Variants in KIF5C observed in about 807,000 individuals in gnomAD.
The protein encoded by KIF5C is kinesin family member 5C.
A neutral mutation model predicts 125.2 loss-of-function variants in KIF5C; 18 were observed. The observed-to-expected ratio is 0.14, with a 90% CI of 0.10 to 0.21. The LOEUF (loss-of-function observed/expected upper bound fraction) is 0.21, where lower values mean the gene tolerates loss of function less well. Ranked by LOEUF, KIF5C falls within the 10% of genes least tolerant of loss-of-function variation. The probability of loss-of-function intolerance (pLI) is 1.00; values close to 1 mark genes in which losing one functional copy is unlikely to be tolerated. For synonymous variants in KIF5C, 405 were observed against 434.0 expected, an observed-to-expected ratio of 0.93 and a Z score of 0.83; for missense variants, 780 against 1,183.8, an observed-to-expected ratio of 0.66 and a Z score of 5.01.
At chr2:148,904,220 C>T (rs1385218911) in intron 1 of KIF5C, among the ~76,000 whole-genome samples, 1 of 152,176 alleles carries the variant, frequency 6.6e-6, no homozygotes, top group Non-Finnish European at 1.5e-5. Context: ...GAGCAGCAGG[C>T]TATTATTTTG....
intron 3 of KIF5C, among the ~76,000 whole-genome samples, chr2:148,935,336 C>G (rs1336650445): frequency 6.6e-6 from 1 of 152,150 alleles, no homozygotes; most frequent in Non-Finnish European, 1.5e-5. Context: ...GATTATCAAT[C>G]GTTCTTCTCT....
Position 148,970,413 on chromosome 2 carries a change from A to G in KIF5C, c.1118-2923A>G, listed in dbSNP as rs142274733. ...TGTGCTTTTTACATATACTATCTTC[A>G]TTTATCTTTAGAACAACCCTGTGAT... On this transcript the variant is annotated intron_variant, in intron 11 of 25. Coordinates refer to ENST00000435030, the MANE Select transcript of KIF5C (RefSeq NM_004522.3). Among the ~76,000 whole-genome samples, 602 of 152,226 alleles carry G rather than the reference A, an allele frequency of 4.0e-3. 3 individuals are homozygous for G. The highest frequency in any genetic ancestry group is 0.014 in the African/African-American group (569 of 41,516).
intron 1 of KIF5C, among the ~76,000 whole-genome samples, chr2:148,888,056 G>A (rs1467776695): frequency 6.6e-6 from 1 of 152,200 alleles, no homozygotes; most frequent in African/African-American, 2.4e-5. Flanking sequence ...GGTTTGAGAT[G>A]CGTTCGTAGT....
rs551519990 is a variant in KIF5C, at chr2:149,000,874, C to T, written c.2373+92C>T. On this transcript the variant is annotated intron_variant, in intron 21 of 25. Coordinates refer to ENST00000435030, the MANE Select transcript of KIF5C (RefSeq NM_004522.3). ...TATTTCAAAATTTTATCCATGCACA[C>T]CTTTCTGTGTAATGTTTTAGATAAG... The T allele has an allele frequency of 1.6e-5, 25 of 1,577,962 alleles. No individual in the cohort carries two copies. The African/African-American group carries it at 3.0e-4, about 19-fold the overall frequency.
At chr2:148,898,888 C>G (rs1247793872) in intron 1 of KIF5C, among the ~76,000 whole-genome samples, 2 of 152,186 alleles carry the variant, frequency 1.3e-5, no homozygotes, top group Non-Finnish European at 2.9e-5. Flanking sequence ...TTTTACAAAG[C>G]AAACACAAGT....
chr2:148,875,575 G>GCCCCCCCCCCCTCCCCTGCCCCC lies in KIF5C; in HGVS notation c.-37_-36insCCCCCTCCCCTGCCCCCCCCCCC. 1 of 699,606 alleles carries GCCCCCCCCCCCTCCCCTGCCCCC rather than the reference G, an allele frequency of 1.4e-6. No individual in the cohort carries two copies. The highest frequency in any genetic ancestry group is 2.2e-5 in the Admixed American group (1 of 46,070). 43.3% of individuals were successfully genotyped at this position (699,606 alleles called of 1,614,324 possible). Reference sequence around the variant, plus strand: ...TCCTCCCTCGTCGTTCCCGGCCCCGGCCCCCCACCCATCCCCGTGCCCCCT... The same window carrying GCCCCCCCCCCCTCCCCTGCCCCC: ...TCCTCCCTCGTCGTTCCCGGCCCCGGCCCCCCCCCCCTCCCCTGCCCCCCCCCCCACCCATCCCCGTGCCCCCT... On this transcript the variant is annotated 5_prime_UTR_variant, in exon 1 of 26. Coordinates refer to ENST00000435030, the MANE Select transcript of KIF5C (RefSeq NM_004522.3).
chr2:148,943,270 C>A (rs1276005800), intron 7 of KIF5C, among the ~76,000 whole-genome samples: 1 of 152,078 alleles, frequency 6.6e-6, no homozygotes, highest in East Asian at 1.9e-4. Flanking sequence ...GAAAGCCTTC[C>A]GATATGTTAC....
At position 149,025,196 on chromosome 2, in the gene KIF5C, A is replaced by G. The variant is rs2105219476; in HGVS notation, c.*2126A>G. ...TTCGCTTGTAGTTCCATTTTACTTG[A>G]TCTCTACAAGGGACTGACAACATTT... On this transcript the variant is annotated 3_prime_UTR_variant, in exon 26 of 26. Transcript: ENST00000435030. The G allele has an allele frequency of 6.5e-6, 1 of 152,742 alleles. No homozygotes were observed. The highest frequency in any genetic ancestry group is 2.4e-5 in the African/African-American group (1 of 41,570). 9.5% of individuals were successfully genotyped at this position (152,742 alleles called of 1,614,324 possible).
intron 23 of KIF5C, among the ~76,000 whole-genome samples, chr2:149,008,591 C>T (rs1378572884): frequency 1.3e-5 from 2 of 152,172 alleles, no homozygotes; most frequent in African/African-American, 2.4e-5. Context: ...CGGATGCCTG[C>T]GATGTGCTGG....
At chr2:148,902,190 G>A (rs770424968) in intron 1 of KIF5C, among the ~76,000 whole-genome samples, 2 of 152,132 alleles carry the variant, frequency 1.3e-5, no homozygotes, top group Non-Finnish European at 2.9e-5. Context: ...TTTTGTGGTC[G>A]AATCAGCCAG....
At chr2:148,986,902 C>A (rs1467568084) in intron 15 of KIF5C, among the ~76,000 whole-genome samples, 1 of 152,196 alleles carries the variant, frequency 6.6e-6, no homozygotes, top group African/African-American at 2.4e-5. Flanking sequence ...CAGCATATAA[C>A]AAGATGAGCC....
chr2:148,878,934 T>G (rs1182353305), intron 1 of KIF5C: 1 of 152,230 alleles, frequency 6.6e-6, no homozygotes, highest in Admixed American at 6.5e-5. Context: ...GGTCATTTTT[T>G]CCCTTAAAGT....
intron 12 of KIF5C, among the ~76,000 whole-genome samples, chr2:148,976,245 TTTTA>T (rs145613004): frequency 0.12 from 16,704 of 143,830 alleles, 1,316 homozygotes; most frequent in African/African-American, 0.22. Flanking sequence ...TATTATTTTG[TTTTA>T]TTTATTTATT....
intron 9 of KIF5C, 23 bp downstream of exon 9, chr2:148,949,966 A>G (rs760002739): frequency 1.2e-6 from 2 of 1,602,344 alleles, no homozygotes; most frequent in South Asian, 2.2e-5. Context: ...GCCCCCATCT[A>G]TTAAGTAATA....
At chr2:149,011,757 C>T in intron 25 of KIF5C, 74 bp downstream of exon 25, 1 of 1,588,238 alleles carries the variant, frequency 6.3e-7, no homozygotes, top group South Asian at 1.1e-5. Context: ...CCCTGCCTGG[C>T]AGTGGACCTT....
Position 148,875,575 on chromosome 2 carries a change from G to GCCCCCCCCCCCTCCCCCTCCCCC in KIF5C, c.-37_-36insCCCCCTCCCCCTCCCCCCCCCCC. ...TCCTCCCTCGTCGTTCCCGGCCCCG[G>GCCCCCCCCCCCTCCCCCTCCCCC]CCCCCCACCCATCCCCGTGCCCCCT... is the stretch of plus-strand genomic sequence containing the variant. On this transcript the variant is annotated 5_prime_UTR_variant, in exon 1 of 26. Transcript: ENST00000435030. 1 of 699,606 alleles carries GCCCCCCCCCCCTCCCCCTCCCCC rather than the reference G, an allele frequency of 1.4e-6. No individual in the cohort carries two copies. The highest frequency in any genetic ancestry group is 2.6e-6 in the Non-Finnish European group (1 of 389,230). 43.3% of individuals were successfully genotyped at this position (699,606 alleles called of 1,614,324 possible). A position where few individuals can be genotyped will look rare whatever the true frequency, so the allele number is the denominator to read the frequency against.
intron 25 of KIF5C, among the ~76,000 whole-genome samples, chr2:149,021,396 T>G (rs1682530353): frequency 6.6e-6 from 1 of 151,732 alleles, no homozygotes; most frequent in African/African-American, 2.4e-5. Flanking sequence ...AAAGAATGTG[T>G]TGTTCTGTTT....
chr2:148,929,314 C>G lies in KIF5C; in HGVS notation c.251C>G (p.Ala84Gly). The G allele has an allele frequency of 6.5e-7, 1 of 1,535,744 alleles. No homozygotes were observed. Among genetic ancestry groups the G allele is most frequent in the Non-Finnish European group, 8.7e-7 (1 of 1,145,704 alleles). ...GAAGGTTATAACGGGACGATTTTTG[C>G]GTATGGGCAGACTTCATCAGGAAAA... ...VLEGYNGTIF[A>G]YGQTSSGKTH... The change falls in exon 3 of 26, where the codon GCG (alanine) becomes GGG (glycine). Residue 84 changes from alanine to glycine, a missense_variant. Ala to Gly is a moderately conservative substitution (Grantham distance 60). Coordinates refer to ENST00000435030, the MANE Select transcript of KIF5C (RefSeq NM_004522.3).
At chr2:149,022,594 C>A (rs1393327924) in intron 25 of KIF5C, among the ~76,000 whole-genome samples, 1 of 152,054 alleles carries the variant, frequency 6.6e-6, no homozygotes, top group Admixed American at 6.6e-5. Flanking sequence ...TATTTCTTTT[C>A]ACTTTTTAAT....
Sources: gnomAD v4.1 joint callset for allele counts (sites outside exome capture counted in the v4.1 genomes callset) on GRCh38, gnomAD v4.1.1 for gene constraint, MANE v1.5 for transcripts, NCBI Gene and HGNC (gene_info 2026-07-23, HGNC 2026-07-21) for gene names.